The following LARP4 variants were observed in gnomAD, a reference collection of about 807,000 sequenced individuals.
LARP4 encodes the protein La ribonucleoprotein 4, also known as la-related protein 4.
LARP4 carries 29 observed loss-of-function variants against 92.9 expected under a neutral mutation model. The ratio of observed to expected loss-of-function variants is 0.31; its 90% CI spans 0.23 to 0.43. LARP4 has a LOEUF of 0.43. LARP4 is among the 20% of genes least tolerant of loss of function. The pLI, the probability that LARP4 is intolerant of heterozygous loss-of-function variation, is 1.00. For missense variants in LARP4, 732 were observed against 860.0 expected (o/e 0.85, Z 1.86); for synonymous variants, 279 against 284.1 (o/e 0.98, Z 0.18).
At chr12:50,461,112 A>G (rs1955299609) in intron 10 of LARP4, 23 bp from the exon 11 acceptor site, 3 of 1,575,804 alleles carry the variant, frequency 1.9e-6, no homozygotes, top group Non-Finnish European at 1.7e-6. Context: ...TGCTTTGTGT[A>G]TATCATTTTG....
intron 2 of LARP4, 84 bp downstream of exon 2, chr12:50,427,993 CTT>C (rs781256448): frequency 0.016 from 4,964 of 302,440 alleles, no homozygotes; most frequent in Middle Eastern, 0.025. Flanking sequence ...AGACACATCT[CTT>C]TTTTTTTTTT....
chr12:50,462,354 C>T (rs939253743), intron 11 of LARP4, among the ~76,000 whole-genome samples: 14 of 151,998 alleles, frequency 9.2e-5, no homozygotes, highest in Admixed American at 2.6e-4. Flanking sequence ...GCAACACGTG[C>T]CTGTAATTCC....
At chr12:50,449,760 G>A (rs1952815978) in intron 8 of LARP4, among the ~76,000 whole-genome samples, 1 of 151,926 alleles carries the variant, frequency 6.6e-6, no homozygotes, top group Non-Finnish European at 1.5e-5. Flanking sequence ...TTACATGCTT[G>A]ACTCTGGCTT....
intron 10 of LARP4, among the ~76,000 whole-genome samples, chr12:50,455,799 CAT>C (rs540061087): frequency 2.4e-4 from 37 of 152,262 alleles, no homozygotes; most frequent in Non-Finnish European, 4.4e-4. Context: ...TACTACTAAA[CAT>C]AAACACAGGC....
At chr12:50,473,353 A>C in intron 13 of LARP4, 62 bp from the exon 14 acceptor site, 1 of 1,238,128 alleles carries the variant, frequency 8.1e-7, no homozygotes, top group African/African-American at 1.5e-5. Flanking sequence ...TGCTTATTAG[A>C]CGTGTATATC....
rs564434870 is a variant in LARP4 at position 50,405,872 on chromosome 12, A to G, written c.18+4844A>G. Among the ~76,000 whole-genome samples the G allele has an allele frequency of 2.2e-4, 33 of 152,312 alleles. 2 individuals are homozygous for G. The highest frequency in any genetic ancestry group is 1.9e-3 in the South Asian group (9 of 4,830). On this transcript the variant is annotated intron_variant, in intron 1 of 15. Coordinates refer to ENST00000398473, the MANE Select transcript of LARP4 (RefSeq NM_052879.5). ...CATAGTATTTGCGTAGCACCTATGC[A>G]CATCTTTGTGTATATGTTAAATAAT...
intron 8 of LARP4, among the ~76,000 whole-genome samples, chr12:50,442,680 A>G (rs765391318): frequency 6.6e-6 from 1 of 152,166 alleles, no homozygotes; most frequent in Non-Finnish European, 1.5e-5. Flanking sequence ...AGCACTTTAC[A>G]TGTATTGACT....
In LARP4 at chr12:50,476,100, A is replaced by T. The variant is rs901983936; in HGVS notation, c.*236A>T. The T allele has an allele frequency of 1.9e-5, 4 of 209,876 alleles. No homozygotes were observed. The highest frequency in any genetic ancestry group is 9.3e-5 in the African/African-American group (4 of 43,238). 13.0% of individuals were successfully genotyped at this position (209,876 alleles called of 1,614,324 possible). On this transcript the variant is annotated 3_prime_UTR_variant, in exon 16 of 16. Coordinates refer to ENST00000398473, the MANE Select transcript of LARP4 (RefSeq NM_052879.5). ...AATATATATATATATATACACACACATATATAAAAAGTATAATTTTTCTAT... is the reference window on the plus strand; with the variant it reads ...AATATATATATATATATACACACACTTATATAAAAAGTATAATTTTTCTAT...
intron 1 of LARP4, among the ~76,000 whole-genome samples, chr12:50,419,913 C>T (rs1343146467): frequency 6.6e-6 from 1 of 152,050 alleles, no homozygotes; most frequent in Non-Finnish European, 1.5e-5. Flanking sequence ...CTAAAAAAAG[C>T]CCATTTAAAC....
intron 1 of LARP4, among the ~76,000 whole-genome samples, chr12:50,419,870 G>A (rs547646663): frequency 7.9e-5 from 12 of 151,962 alleles, no homozygotes; most frequent in Non-Finnish European, 1.3e-4. Flanking sequence ...ACGCCCCTGC[G>A]CTCCACCCTG....
At chr12:50,412,458 G>A (rs1946069969) in intron 1 of LARP4, 2 of 965,004 alleles carry the variant, frequency 2.1e-6, no homozygotes, top group Non-Finnish European at 2.5e-6. Context: ...AAATAGGTAA[G>A]TAAAACAAAA....
intron 8 of LARP4, among the ~76,000 whole-genome samples, chr12:50,446,573 C>T (rs1003328132): frequency 1.3e-5 from 2 of 149,056 alleles, no homozygotes; most frequent in Admixed American, 6.8e-5. Flanking sequence ...GTACTACAGA[C>T]GCATGCCACC....
chr12:50,421,317 C>T, intron 1 of LARP4: 1 of 980,052 alleles, frequency 1.0e-6, no homozygotes, highest in Non-Finnish European at 1.2e-6. Context: ...TCTTAAGTTT[C>T]ATATTTTTTT....
At chr12:50,414,938 C>CT (rs1946509594) in intron 1 of LARP4, among the ~76,000 whole-genome samples, 2 of 152,154 alleles carry the variant, frequency 1.3e-5, no homozygotes, top group Admixed American at 1.3e-4. Context: ...GGTACAGTGG[C>CT]TCACGCCTGT....
intron 6 of LARP4, among the ~76,000 whole-genome samples, chr12:50,440,000 T>C (rs1950969216): frequency 6.6e-6 from 1 of 152,226 alleles, no homozygotes; most frequent in South Asian, 2.1e-4. Flanking sequence ...CTAGAAAATG[T>C]TAATGAAAGA....
Position 50,435,476 on chromosome 12 carries a change from T to A in LARP4, c.399-12T>A. On this transcript the variant is annotated splice_polypyrimidine_tract_variant and intron_variant, in intron 4 of 15. Coordinates refer to ENST00000398473, the MANE Select transcript of LARP4 (RefSeq NM_052879.5). ...TAATTGCTTGTTTTATAGGACTATT[T>A]TGTTTTTTCAGAGAAAATTTGTCAA... The A allele has an allele frequency of 3.7e-6, 5 of 1,350,896 alleles. No individual in the cohort carries two copies. The highest frequency in any genetic ancestry group is 5.1e-6 in the Non-Finnish European group (5 of 985,914). The allele number at this position is 1,350,896 out of a possible 1,614,324, so 83.7% of individuals were successfully genotyped here.
Position 50,427,829 on chromosome 12 carries a change from A to G in LARP4, c.86A>G (p.Asn29Ser), listed in dbSNP as rs1209151931. ...GTATGGCAAGAAATTGCTCCTGGAA[A>G]TACTGATGCCACCCCAGTAACTCAT... ...AKVWQEIAPG[N>S]TDATPVTHGT... The change falls in exon 2 of 16, where the codon AAT becomes AGT. Residue 29 changes from asparagine (N) to serine (S), a missense_variant. Asn to Ser is a conservative substitution (Grantham distance 46). This residue lies in a region of LARP4 where 236 missense variants were observed against 307.6 expected (regional missense o/e 0.77). Coordinates refer to ENST00000398473, the MANE Select transcript of LARP4 (RefSeq NM_052879.5). The G allele has an allele frequency of 1.9e-6, 3 of 1,603,686 alleles. No individual in the cohort carries two copies. The highest frequency in any genetic ancestry group is 2.2e-5 in the South Asian group (2 of 89,790).
intron 2 of LARP4, among the ~76,000 whole-genome samples, chr12:50,428,156 A>G (rs1325391534): frequency 1.3e-5 from 2 of 151,732 alleles, no homozygotes; most frequent in African/African-American, 4.8e-5. Context: ...GCTTTATCTC[A>G]TGCCTGTAAT....
intron 15 of LARP4, among the ~76,000 whole-genome samples, chr12:50,474,954 T>G (rs1957387759): frequency 6.6e-6 from 1 of 152,246 alleles, no homozygotes. Flanking sequence ...AAAATAGATT[T>G]AGAAGACTAT....
Sources: allele counts gnomAD v4.1 joint callset (sites outside exome capture counted in the v4.1 genomes callset), GRCh38; gene constraint gnomAD v4.1.1; regional missense constraint gnomAD v4.1.1; transcripts MANE v1.5; gene names NCBI Gene and HGNC (gene_info 2026-07-23, HGNC 2026-07-21).